The following CSMD2 variants were observed in gnomAD, a reference collection of about 807,000 sequenced individuals.
CSMD2 encodes the protein CUB and Sushi multiple domains 2, also known as CUB and sushi domain-containing protein 2.
CSMD2 carries 130 observed loss-of-function variants against 398.5 expected under a neutral mutation model. That is an observed-to-expected ratio of 0.33 (90% CI 0.28 to 0.38). The LOEUF (loss-of-function observed/expected upper bound fraction) is 0.38, where lower values mean the gene tolerates loss of function less well. Ranked by LOEUF, CSMD2 falls within the 10% of genes least tolerant of loss-of-function variation. CSMD2 has a pLI of 1.00. For missense variants in CSMD2, 3,829 were observed against 4,764.9 expected, an observed-to-expected ratio of 0.80 and a Z score of 5.78; for synonymous variants, 1,828 against 1,908.5, an observed-to-expected ratio of 0.96 and a Z score of 1.10.
chr1:33,636,535 A>G lies in CSMD2; in HGVS notation c.4794T>C (p.Cys1598=). ...CGTTCTTGATGGAACCAGGATCAAA[A>G]CATGACTCCCGCGGGTTTTCTGGGA... ...IDYTENPRES[C]FDPGSIKNGT... The change falls in exon 30 of 71, where the codon TGT becomes TGC. Residue 1598 remains cysteine, a synonymous_variant. Transcript: ENST00000373381. This position sits in a 1 kb window ranked among gnomAD's most constrained non-coding sequence, Gnocchi z 4.8. 6.2e-7 allele frequency: 1 copy of G among 1,614,056 alleles called. No individual in the cohort carries two copies. The highest frequency in any genetic ancestry group is 8.5e-7 in the Non-Finnish European group (1 of 1,179,958).
intron 3 of CSMD2, among the ~76,000 whole-genome samples, chr1:33,982,510 T>G (rs1646207157): frequency 6.6e-6 from 1 of 152,208 alleles, no homozygotes; most frequent in African/African-American, 2.4e-5. Flanking sequence ...CTTCTTGGAC[T>G]GGGAGTATTT....
intron 14 of CSMD2, among the ~76,000 whole-genome samples, chr1:33,740,170 C>T (rs1647010263): frequency 6.6e-6 from 1 of 152,116 alleles, no homozygotes; most frequent in Non-Finnish European, 1.5e-5. Flanking sequence ...AGATGAGTTC[C>T]CTTCCTTCTT....
intron 10 of CSMD2, among the ~76,000 whole-genome samples, chr1:33,798,566 G>A (rs1457641297): frequency 6.6e-6 from 1 of 152,246 alleles, no homozygotes; most frequent in South Asian, 2.1e-4. Flanking sequence ...GCCAAGGAGA[G>A]TGGGACAGGA....
chr1:33,787,371 G>C (rs554739750), intron 12 of CSMD2, among the ~76,000 whole-genome samples: 1 of 152,300 alleles, frequency 6.6e-6, no homozygotes, highest in South Asian at 2.1e-4. Context: ...ATGGTACACT[G>C]GGGGTATGCT....
At chr1:34,154,917 G>A (rs754157544) in intron 1 of CSMD2, among the ~76,000 whole-genome samples, 1 of 152,076 alleles carries the variant, frequency 6.6e-6, no homozygotes, top group Non-Finnish European at 1.5e-5. Context: ...TAGTAGAGAC[G>A]GGGTTTTGCC....
chr1:33,872,701 C>A (rs1258228526), intron 5 of CSMD2, among the ~76,000 whole-genome samples: 1 of 152,028 alleles, frequency 6.6e-6, no homozygotes, highest in Non-Finnish European at 1.5e-5. Flanking sequence ...ACAGCTGGGA[C>A]AGAAAGGAAC....
intron 55 of CSMD2, among the ~76,000 whole-genome samples, chr1:33,554,070 G>A (rs1030039798): frequency 6.6e-6 from 1 of 152,080 alleles, no homozygotes; most frequent in Non-Finnish European, 1.5e-5. Flanking sequence ...AAAGTACAAG[G>A]TGAAGCAGCA....
At chr1:33,832,347 G>A (rs1659681702) in intron 6 of CSMD2, among the ~76,000 whole-genome samples, 1 of 151,288 alleles carries the variant, frequency 6.6e-6, no homozygotes, top group Non-Finnish European at 1.5e-5. Context: ...TAGAACTCAG[G>A]ATTCAGAAAC....
chr1:33,900,003 C>T (rs191934559), intron 5 of CSMD2, among the ~76,000 whole-genome samples: 176 of 152,272 alleles, frequency 1.2e-3, no homozygotes, highest in African/African-American at 4.1e-3. Context: ...CTGAAAGAAG[C>T]TGTGTGTAGC....
At chr1:34,070,465 T>A (rs943518609) in intron 2 of CSMD2, among the ~76,000 whole-genome samples, 5 of 152,326 alleles carry the variant, frequency 3.3e-5, no homozygotes, top group African/African-American at 1.2e-4. Context: ...CTTCTTAGCA[T>A]AGGGCTTATG....
At chr1:34,010,802 T>G (rs1281160125) in intron 3 of CSMD2, among the ~76,000 whole-genome samples, 1 of 152,062 alleles carries the variant, frequency 6.6e-6, no homozygotes, top group Admixed American at 6.6e-5. Context: ...GTATTTTTAG[T>G]AGAGACGAGG....
rs541899568 is a variant in CSMD2 at position 33,830,489 on chromosome 1, T to C, written c.1034-4715A>G. On this transcript the variant is annotated intron_variant, in intron 6 of 70. Transcript: ENST00000373381. ...GGAAAACTAACAAACAGAAAGGACA[T>C]CCACACCAAAAACCTATCTGTACAT... 1.0e-3 allele frequency among the ~76,000 whole-genome samples: 152 copies of C among 152,246 alleles called. 1 individual carries two copies. Among genetic ancestry groups the C allele is most frequent in the Non-Finnish European group, 1.5e-3 (101 of 68,016 alleles).
chr1:34,164,543 A>AAAGTTTATCGGG lies in CSMD2; in HGVS notation c.187+356_187+367dup, dbSNP rs1641690243. On this transcript the variant is annotated intron_variant, in intron 1 of 70. Transcript: ENST00000373381. This position sits in a 1 kb window ranked among gnomAD's most constrained non-coding sequence, Gnocchi z 6.2. ...GGAGCCGGGGGAGTAGGGCTCCCGGAAAGTTTATCGGGAAAAAGCCTAGCA... is the reference window on the plus strand; with the variant it reads ...GGAGCCGGGGGAGTAGGGCTCCCGGAAAGTTTATCGGGAAGTTTATCGGGAAAAAGCCTAGCA... 6.6e-6 allele frequency among the ~76,000 whole-genome samples: 1 copy of AAAGTTTATCGGG among 152,006 alleles called. No homozygotes were observed. The highest frequency in any genetic ancestry group is 2.0e-4 in the East Asian group (1 of 5,098).
At chr1:33,747,196 A>G (rs1647504290) in intron 13 of CSMD2, among the ~76,000 whole-genome samples, 1 of 152,266 alleles carries the variant, frequency 6.6e-6, no homozygotes, top group African/African-American at 2.4e-5. Context: ...AAAAAGATTG[A>G]CAATGAGCAA....
chr1:33,709,577 A>C (rs368665018), intron 21 of CSMD2: 1 of 436,288 alleles, frequency 2.3e-6, no homozygotes, highest in African/African-American at 2.0e-5. Context: ...GCCGTGCCAC[A>C]TACCTATTCA....
chr1:34,090,794 C>T (rs1348418729), intron 1 of CSMD2, among the ~76,000 whole-genome samples: 1 of 152,220 alleles, frequency 6.6e-6, no homozygotes, highest in African/African-American at 2.4e-5. Context: ...TCATGCCAAC[C>T]TCCCAAATGC....
intron 5 of CSMD2, among the ~76,000 whole-genome samples, chr1:33,914,779 C>A (rs751518833): frequency 6.6e-6 from 1 of 152,188 alleles, no homozygotes. Flanking sequence ...GTGTGCTCCC[C>A]GCACCTTATC....
At chr1:33,930,667 T>A (rs1037757834) in intron 4 of CSMD2, among the ~76,000 whole-genome samples, 2 of 152,166 alleles carry the variant, frequency 1.3e-5, no homozygotes, top group Non-Finnish European at 2.9e-5. Flanking sequence ...CAGAGGCCTG[T>A]TGCTGAAATC....
chr1:33,958,120 C>T (rs770411364), intron 3 of CSMD2, among the ~76,000 whole-genome samples: 10 of 152,140 alleles, frequency 6.6e-5, no homozygotes, highest in African/African-American at 1.2e-4. Context: ...CCCACCCCCA[C>T]GCCTTTTCCT....
Sources: allele counts gnomAD v4.1 joint callset (sites outside exome capture counted in the v4.1 genomes callset), GRCh38; gene constraint gnomAD v4.1.1; non-coding constraint Gnocchi (gnomAD v3.1); transcripts MANE v1.5; gene names NCBI Gene and HGNC (gene_info 2026-07-23, HGNC 2026-07-21).